The following STAU1 variants were observed in gnomAD, a reference collection of about 807,000 sequenced individuals.
The protein encoded by STAU1 is staufen double-stranded RNA binding protein 1, also known as double-stranded RNA-binding protein Staufen homolog 1.
In STAU1, 13 loss-of-function variants were observed where a neutral mutation model predicts 62.9. The ratio of observed to expected loss-of-function variants is 0.21; its 90% confidence interval spans 0.13 to 0.33. STAU1 has a LOEUF of 0.33. STAU1 is among the 10% of genes least tolerant of loss of function. The pLI, the probability that STAU1 is intolerant of heterozygous loss-of-function variation, is 1.00. For synonymous variants in STAU1, 269 were observed against 265.1 expected, an observed-to-expected ratio of 1.01 and a Z score of -0.14; for missense variants, 571 against 712.1, an observed-to-expected ratio of 0.80 and a Z score of 2.25.
At chr20:49,202,212 T>C in the STAU1 span, among the ~76,000 whole-genome samples, 2 of 64,584 alleles carry the variant, frequency 3.1e-5, no homozygotes, top group African/African-American at 6.6e-5. Flanking sequence ...AGAGCGAGAC[T>C]CCATCTCAAA....
rs1220709920 is a variant in STAU1 at position 49,134,436 on chromosome 20, A to G, written c.609+1397T>C. ...ACAAGAGTGAAACTCATCTCAGGGA[A>G]AAAAAAAAAAAAAGCTCTGGGTTGA... On this transcript the variant is annotated intron_variant, in intron 6 of 13. Coordinates refer to ENST00000371856, the MANE Select transcript of STAU1 (RefSeq NM_017453.4). 1.2e-4 allele frequency: 20 copies of G among 168,894 alleles called. 1 individual carries two copies. Among genetic ancestry groups the G allele is most frequent in the African/African-American group, 2.6e-4 (3 of 11,344 alleles). 10.5% of individuals were successfully genotyped at this position (168,894 alleles called of 1,614,324 possible). A position where few individuals can be genotyped will look rare whatever the true frequency, so the allele number is the denominator to read the frequency against.
chr20:49,117,014 G>A lies in STAU1; in HGVS notation c.1632+112C>T. ...CTATCAAACGATTCATTGCTCTCAA[G>A]GTCTATGGGACAATCTTTCTCCCAT... On this transcript the variant is annotated intron_variant, in intron 12 of 13. Transcript: ENST00000371856. This position sits in a 1 kb window ranked among gnomAD's most constrained non-coding sequence, Gnocchi z 4.6. 7.3e-7 allele frequency: 1 copy of A among 1,366,376 alleles called. No individual in the cohort carries two copies. Among genetic ancestry groups the A allele is most frequent in the African/African-American group, 1.5e-5 (1 of 68,610 alleles). 84.6% of individuals were successfully genotyped at this position (1,366,376 alleles called of 1,614,324 possible).
intron 5 of STAU1, among the ~76,000 whole-genome samples, chr20:49,144,327 T>C (rs2093075659): frequency 6.6e-6 from 1 of 152,152 alleles, no homozygotes; most frequent in Admixed American, 6.5e-5. Context: ...GGAGAGGTTC[T>C]TGTCGAAAAA....
chr20:49,198,749 G>C, the STAU1 span, among the ~76,000 whole-genome samples: 4 of 151,956 alleles, frequency 2.6e-5, no homozygotes, highest in Non-Finnish European at 4.4e-5. Flanking sequence ...AGATCACGAG[G>C]TCAGGAGATC....
At chr20:49,116,017 T>C in intron 12 of STAU1, 150 bp from the exon 13 acceptor site, 1 of 585,114 alleles carries the variant, frequency 1.7e-6, no homozygotes, top group Non-Finnish European at 3.0e-6. Context: ...ACTTTGAATT[T>C]TTAATTTAAA....
At chr20:49,144,918 G>A (rs1400118820) in intron 5 of STAU1, among the ~76,000 whole-genome samples, 3 of 152,030 alleles carry the variant, frequency 2.0e-5, no homozygotes, top group Non-Finnish European at 2.9e-5. Flanking sequence ...ATAGCAAAAC[G>A]TTCAAAACAC....
intron 5 of STAU1, among the ~76,000 whole-genome samples, chr20:49,145,651 A>G (rs1287130177): frequency 3.3e-5 from 5 of 151,746 alleles, no homozygotes; most frequent in Non-Finnish European, 7.4e-5. Context: ...AATAGCTTGA[A>G]TCAGGGAGTC....
intron 8 of STAU1, among the ~76,000 whole-genome samples, chr20:49,120,442 A>G (rs1014372147): frequency 6.6e-6 from 1 of 152,210 alleles, no homozygotes; most frequent in Non-Finnish European, 1.5e-5. Flanking sequence ...TGTACAATGG[A>G]AACAGTCTGT....
At chr20:49,197,255 T>TGG in the STAU1 span, among the ~76,000 whole-genome samples, 6 of 142,598 alleles carry the variant, frequency 4.2e-5, no homozygotes, top group East Asian at 1.2e-3. Flanking sequence ...TAATGATCAG[T>TGG]AGTTAAGAAA....
intron 3 of STAU1, chr20:49,159,239 C>CAGCAG: frequency 1.2e-6 from 1 of 811,086 alleles, no homozygotes; most frequent in Non-Finnish European, 1.5e-6. Flanking sequence ...CACTCTGCTG[C>CAGCAG]ATTCTGTTGG....
At chr20:49,141,933 T>G (rs2093016036) in intron 5 of STAU1, among the ~76,000 whole-genome samples, 1 of 152,048 alleles carries the variant, frequency 6.6e-6, no homozygotes, top group African/African-American at 2.4e-5. Context: ...ACCATTATTA[T>G]AAATCCAAAC....
At chr20:49,116,191 G>C (rs1600583427) in intron 12 of STAU1, among the ~76,000 whole-genome samples, 1 of 151,896 alleles carries the variant, frequency 6.6e-6, no homozygotes, top group East Asian at 1.9e-4. Context: ...ATAGAGACAG[G>C]GTCTCACTAA....
At chr20:49,128,825 T>C (rs2092690478) in intron 6 of STAU1, among the ~76,000 whole-genome samples, 1 of 145,508 alleles carries the variant, frequency 6.9e-6, no homozygotes, top group African/African-American at 2.5e-5. Context: ...ACAGTATATA[T>C]GAAAACTAAC....
chr20:49,126,588 C>CAAAAAAAAAAAAACAAAAAAAAAACAAA, intron 6 of STAU1, among the ~76,000 whole-genome samples: 1 of 56,344 alleles, frequency 1.8e-5, no homozygotes. Context: ...AAAAAAAAAA[C>CAAAAAAAAAAAAACAAAAAAAAAACAAA]AAAAAAAAAA....
Position 49,117,669 on chromosome 20 carries a change from AG to A in STAU1, c.1509+107del. The A allele has an allele frequency of 8.4e-7, 1 of 1,193,256 alleles. No individual in the cohort carries two copies. Among genetic ancestry groups the A allele is most frequent in the Non-Finnish European group, 1.2e-6 (1 of 867,568 alleles). 73.9% of individuals were successfully genotyped at this position (1,193,256 alleles called of 1,614,324 possible). ...ACTGCTCCCCAGCCCATCCCTGGAC[AG>A]AACTTGATTTAAGAAAAAAGTACAA... On this transcript the variant is annotated intron_variant, in intron 11 of 13. Coordinates refer to ENST00000371856, the MANE Select transcript of STAU1 (RefSeq NM_017453.4). This position sits in a 1 kb window ranked among gnomAD's most constrained non-coding sequence, Gnocchi z 4.6.
intron 1 of STAU1, among the ~76,000 whole-genome samples, chr20:49,176,918 T>G (rs947876582): frequency 2.6e-5 from 4 of 151,530 alleles, no homozygotes; most frequent in African/African-American, 4.8e-5. Flanking sequence ...TCTAGTTTTT[T>G]TTTTTTTTTT....
At chr20:49,136,596 T>G (rs1235877868) in intron 5 of STAU1, among the ~76,000 whole-genome samples, 1 of 152,220 alleles carries the variant, frequency 6.6e-6, no homozygotes, top group Non-Finnish European at 1.5e-5. Flanking sequence ...AAGCCACATT[T>G]TGGAAAAGTC....
intron 6 of STAU1, among the ~76,000 whole-genome samples, chr20:49,126,577 A>AAAAAAAAAAACAAAAAAAAAAAC (rs2092621937): frequency 2.6e-4 from 9 of 35,026 alleles, no homozygotes; most frequent in African/African-American, 8.6e-4. Flanking sequence ...CAAAAAGCAA[A>AAAAAAAAAAACAAAAAAAAAAAC]AAAAAAAAAA....
intron 3 of STAU1, among the ~76,000 whole-genome samples, chr20:49,158,113 C>T (rs969586486): frequency 6.6e-6 from 1 of 151,628 alleles, no homozygotes; most frequent in Non-Finnish European, 1.5e-5. Context: ...GAGACCCTGC[C>T]TCTACTAAAA....
Sources: allele counts gnomAD v4.1 joint callset (sites outside exome capture counted in the v4.1 genomes callset), GRCh38; gene constraint gnomAD v4.1.1; non-coding constraint Gnocchi (gnomAD v3.1); transcripts MANE v1.5; gene names NCBI Gene and HGNC (gene_info 2026-07-23, HGNC 2026-07-21).